CDYL2: variants seen among roughly 807,000 people sequenced by gnomAD.
The protein encoded by CDYL2 is chromodomain Y-like protein 2.
In CDYL2, 23 loss-of-function variants were observed where a neutral mutation model predicts 49.4. The ratio of observed to expected loss-of-function variants is 0.47; its 90% CI spans 0.34 to 0.66. The LOEUF (loss-of-function observed/expected upper bound fraction) is 0.66. CDYL2 is among the 30% of genes least tolerant of loss of function. CDYL2 has a pLI of 0.01. For missense variants in CDYL2, 678 were observed against 656.4 expected (o/e 1.03, Z -0.36); for synonymous variants, 360 against 268.8 (o/e 1.34, Z -3.32).
intron 1 of CDYL2, among the ~76,000 whole-genome samples, chr16:80,798,907 T>C (rs1260121554): frequency 6.6e-6 from 1 of 152,078 alleles, no homozygotes; most frequent in Non-Finnish European, 1.5e-5. Context: ...TAACAGGGGA[T>C]TAGTTATAGA....
At chr16:80,743,687 T>C (rs1292803535) in intron 1 of CDYL2, among the ~76,000 whole-genome samples, 1 of 152,048 alleles carries the variant, frequency 6.6e-6, no homozygotes, top group East Asian at 1.9e-4. Context: ...TTGTTTGTTT[T>C]TTGGGGGTTT....
chr16:80,688,953 C>A (rs2142483038), intron 1 of CDYL2, among the ~76,000 whole-genome samples: 1 of 152,308 alleles, frequency 6.6e-6, no homozygotes, highest in South Asian at 2.1e-4. Flanking sequence ...CTGGTCCTGG[C>A]AGCTCTGTCT....
chr16:80,653,146 T>C (rs529646956), intron 2 of CDYL2, among the ~76,000 whole-genome samples: 8 of 152,328 alleles, frequency 5.3e-5, no homozygotes, highest in African/African-American at 1.9e-4. Context: ...GTGTTCCAAT[T>C]TTTCTGTGAA....
chr16:80,758,706 C>A (rs1034503176), intron 1 of CDYL2, among the ~76,000 whole-genome samples: 2 of 151,936 alleles, frequency 1.3e-5, no homozygotes, highest in Non-Finnish European at 2.9e-5. Flanking sequence ...CCACACCCAG[C>A]TAATTTTTTG....
At chr16:80,659,487 T>C (rs946275829) in intron 2 of CDYL2, among the ~76,000 whole-genome samples, 3 of 152,152 alleles carry the variant, frequency 2.0e-5, no homozygotes, top group Non-Finnish European at 2.9e-5. Context: ...CTTAAAAGAA[T>C]ATCCTTTTAT....
In CDYL2 at chr16:80,598,558, G is replaced by C. The variant is rs1905939036; in HGVS notation, c.*5830C>G. ...CATTTGGAAAGTGCAGGATCCTACT[G>C]TTCAGTATAGACATGTCTGAAAAAT... On this transcript the variant is annotated 3_prime_UTR_variant, in exon 7 of 7. Transcript: ENST00000570137. 1 of 152,160 alleles carries C rather than the reference G, an allele frequency of 6.6e-6. No individual in the cohort carries two copies. The highest frequency in any genetic ancestry group is 1.5e-5 in the Non-Finnish European group (1 of 68,042). The allele number at this position is 152,160 out of a possible 1,614,324, so 9.4% of individuals were successfully genotyped here. A position where few individuals can be genotyped will look rare whatever the true frequency, so the allele number is the denominator to read the frequency against.
At chr16:80,727,689 A>C (rs1905208752) in intron 1 of CDYL2, among the ~76,000 whole-genome samples, 1 of 152,240 alleles carries the variant, frequency 6.6e-6, no homozygotes, top group Non-Finnish European at 1.5e-5. Context: ...CTGCAGACTT[A>C]AATGTCCCTG....
At chr16:80,777,165 G>T (rs57265156) in intron 1 of CDYL2, among the ~76,000 whole-genome samples, 2 of 152,116 alleles carry the variant, frequency 1.3e-5, no homozygotes, top group African/African-American at 4.8e-5. Context: ...CAGAAATTCA[G>T]AAGAAGAGTT....
intron 3 of CDYL2, among the ~76,000 whole-genome samples, chr16:80,629,378 A>G (rs1249309563): frequency 6.6e-6 from 1 of 152,228 alleles, no homozygotes; most frequent in Non-Finnish European, 1.5e-5. Context: ...GAGCTATTCA[A>G]GAATAAAGGT....
intron 5 of CDYL2, among the ~76,000 whole-genome samples, chr16:80,609,519 G>C (rs1252227813): frequency 6.6e-6 from 1 of 152,152 alleles, no homozygotes; most frequent in East Asian, 1.9e-4. Flanking sequence ...TGCTTGCTTG[G>C]TTCAAGATTT....
intron 4 of CDYL2, among the ~76,000 whole-genome samples, chr16:80,617,019 G>C (rs1474561530): frequency 6.6e-6 from 1 of 152,176 alleles, no homozygotes; most frequent in Non-Finnish European, 1.5e-5. Context: ...AGCCAACACT[G>C]CTTTCCTGAA....
intron 2 of CDYL2, among the ~76,000 whole-genome samples, chr16:80,672,528 G>A (rs1323787183): frequency 2.7e-5 from 3 of 112,700 alleles, no homozygotes; most frequent in Non-Finnish European, 3.7e-5. Flanking sequence ...CAAAGCAAAG[G>A]AAAAGGAAAA....
Position 80,721,026 on chromosome 16 carries a change from TGCA to T in CDYL2, c.25-35900_25-35898del, listed in dbSNP as rs1225997929. Among the ~76,000 whole-genome samples, 8 of 152,226 alleles carry T rather than the reference TGCA, an allele frequency of 5.3e-5. No individual in the cohort carries two copies. In the South Asian group the frequency reaches 8.3e-4, roughly 16 times the overall value. On this transcript the variant is annotated intron_variant, in intron 1 of 6. Transcript: ENST00000570137. ...GAGCTCATCCTGGAGAGACCCTAAG[TGCA>T]GTAAACACATTTCCGCCAAGACCCC...
At chr16:80,734,551 C>T (rs1905448945) in intron 1 of CDYL2, among the ~76,000 whole-genome samples, 1 of 152,056 alleles carries the variant, frequency 6.6e-6, no homozygotes, top group African/African-American at 2.4e-5. Flanking sequence ...AATAGGGAAG[C>T]AGGTTTGGGA....
At chr16:80,784,964 A>G (rs1476002900) in intron 1 of CDYL2, among the ~76,000 whole-genome samples, 1 of 152,180 alleles carries the variant, frequency 6.6e-6, no homozygotes, top group Non-Finnish European at 1.5e-5. Flanking sequence ...GAAGCAAAGG[A>G]TAGCTGCATG....
At chr16:80,609,531 A>T (rs1044915891) in intron 5 of CDYL2, among the ~76,000 whole-genome samples, 1 of 152,210 alleles carries the variant, frequency 6.6e-6, no homozygotes, top group Non-Finnish European at 1.5e-5. Flanking sequence ...TCAAGATTTG[A>T]ACACAAATGG....
intron 2 of CDYL2, among the ~76,000 whole-genome samples, chr16:80,657,213 A>G (rs1908850558): frequency 6.6e-6 from 1 of 152,256 alleles, no homozygotes; most frequent in South Asian, 2.1e-4. Flanking sequence ...TTTGACAAGG[A>G]CTTTAAAATA....
At chr16:80,609,670 C>T (rs1185588753) in intron 5 of CDYL2, among the ~76,000 whole-genome samples, 1 of 152,166 alleles carries the variant, frequency 6.6e-6, no homozygotes, top group Non-Finnish European at 1.5e-5. Flanking sequence ...TACTCCCTGG[C>T]AGGTGTGAGT....
At chr16:80,653,337 T>C (rs1401617035) in intron 2 of CDYL2, among the ~76,000 whole-genome samples, 3 of 152,100 alleles carry the variant, frequency 2.0e-5, no homozygotes, top group Non-Finnish European at 4.4e-5. Context: ...TGGTGGTGCA[T>C]GCCTGTAATC....
Sources: gnomAD v4.1 joint callset for allele counts (sites outside exome capture counted in the v4.1 genomes callset) on GRCh38, gnomAD v4.1.1 for gene constraint, MANE v1.5 for transcripts, NCBI Gene and HGNC (gene_info 2026-07-23, HGNC 2026-07-21) for gene names.